The following PAPSS1 variants were observed in gnomAD, a reference collection of about 807,000 sequenced individuals.
PAPSS1 encodes the protein bifunctional 3'-phosphoadenosine 5'-phosphosulfate synthase 1.
A neutral mutation model predicts 72.0 loss-of-function variants in PAPSS1; 50 were observed. That is an observed-to-expected ratio of 0.69 (90% CI 0.55 to 0.88). The LOEUF (loss-of-function observed/expected upper bound fraction) is 0.88. PAPSS1 is among the 40% of genes least tolerant of loss of function. The pLI, the probability that PAPSS1 is intolerant of heterozygous loss-of-function variation, is 0.00. For missense variants in PAPSS1, 657 were observed against 782.2 expected (o/e 0.84, Z 1.91); for synonymous variants, 261 against 263.6 (o/e 0.99, Z 0.09).
intron 5 of PAPSS1, among the ~76,000 whole-genome samples, chr4:107,667,478 G>T (rs1243330937): frequency 6.6e-6 from 1 of 152,152 alleles, no homozygotes; most frequent in Non-Finnish European, 1.5e-5. Flanking sequence ...CCCCATTTGG[G>T]CTGGCGTCTA....
At chr4:107,701,806 CAG>C (rs1203351373) in intron 1 of PAPSS1, among the ~76,000 whole-genome samples, 1 of 152,040 alleles carries the variant, frequency 6.6e-6, no homozygotes, top group African/African-American at 2.4e-5. Flanking sequence ...AAAAAGGAAA[CAG>C]AGTGCCTCTT....
chr4:107,632,511 T>TAA (rs11455598), intron 10 of PAPSS1, among the ~76,000 whole-genome samples: 5 of 148,164 alleles, frequency 3.4e-5, no homozygotes, highest in African/African-American at 2.5e-5. Context: ...TAATACTAGT[T>TAA]AAAAAAAAAA....
chr4:107,716,105 T>C (rs1231717543), intron 1 of PAPSS1, among the ~76,000 whole-genome samples: 1 of 152,206 alleles, frequency 6.6e-6, no homozygotes, highest in African/African-American at 2.4e-5. Context: ...ATCTGCCCCT[T>C]ATCCCCAATT....
intron 11 of PAPSS1, among the ~76,000 whole-genome samples, chr4:107,628,426 T>C (rs1287342118): frequency 1.3e-5 from 2 of 152,142 alleles, no homozygotes; most frequent in Admixed American, 6.5e-5. Context: ...TATTACAAAA[T>C]GAGCCATAAA....
chr4:107,712,783 G>GT (rs1312704952), intron 1 of PAPSS1, among the ~76,000 whole-genome samples: 1 of 151,270 alleles, frequency 6.6e-6, no homozygotes, highest in Non-Finnish European at 1.5e-5. Flanking sequence ...TGAGGCAGGA[G>GT]AACAGCTTGA....
intron 3 of PAPSS1, among the ~76,000 whole-genome samples, chr4:107,693,480 T>C (rs1722994679): frequency 6.6e-6 from 1 of 152,204 alleles, no homozygotes; most frequent in South Asian, 2.1e-4. Context: ...TTTTATTAAG[T>C]TGAAAAGTTG....
At chr4:107,694,951 TAA>T (rs34374895) in intron 2 of PAPSS1, among the ~76,000 whole-genome samples, 25 of 150,364 alleles carry the variant, frequency 1.7e-4, no homozygotes, top group Admixed American at 2.6e-4. Context: ...CTAACTGGAA[TAA>T]AAAAAAAAAT....
intron 10 of PAPSS1, among the ~76,000 whole-genome samples, chr4:107,640,174 T>C (rs987829953): frequency 1.1e-4 from 17 of 152,190 alleles, no homozygotes; most frequent in Non-Finnish European, 1.0e-4. Context: ...ATGAGACAAA[T>C]AGAATTTCCT....
chr4:107,634,110 C>T (rs371747554), intron 10 of PAPSS1, among the ~76,000 whole-genome samples: 6 of 152,028 alleles, frequency 3.9e-5, no homozygotes, highest in Non-Finnish European at 5.9e-5. Context: ...TTCAGCCTCC[C>T]GGGCTCAGGC....
chr4:107,690,362 C>G (rs2110340851), intron 3 of PAPSS1, among the ~76,000 whole-genome samples: 1 of 152,294 alleles, frequency 6.6e-6, no homozygotes, highest in Middle Eastern at 3.4e-3. Context: ...GCATACTATA[C>G]TGTCTCCTCT....
At chr4:107,700,858 T>C (rs1463030157) in intron 2 of PAPSS1, among the ~76,000 whole-genome samples, 2 of 152,216 alleles carry the variant, frequency 1.3e-5, no homozygotes, top group South Asian at 2.1e-4. Flanking sequence ...CTAAGACGTA[T>C]GGTTTTCACT....
At chr4:107,719,187 G>GTTTTTTTTTTTT (rs9307313) in intron 1 of PAPSS1, among the ~76,000 whole-genome samples, 5 of 146,412 alleles carry the variant, frequency 3.4e-5, no homozygotes, top group Non-Finnish European at 3.0e-5. Flanking sequence ...GAAATTGCTT[G>GTTTTTTTTTTTT]TTTTTTTTTT....
In PAPSS1 at chr4:107,693,971, C is replaced by T. The variant is rs1342153070; in HGVS notation, c.211G>A (p.Ala71Thr). Reference sequence around the variant, plus strand: ...TGACAAACCAGGTACTCCTCCAAGGCCATGCTCACAGTAGTCTTTCCCGCT... The same window carrying T: ...TGACAAACCAGGTACTCCTCCAAGGTCATGCTCACAGTAGTCTTTCCCGCT... ...SGAGKTTVSM[A>T]LEEYLVCHGI... The change falls in exon 3 of 12, where the codon GCC becomes ACC. Residue 71 changes from alanine to threonine, a missense_variant. This residue lies in a region of PAPSS1 where 119 missense variants were observed against 171.1 expected (regional missense o/e 0.70). Coordinates refer to ENST00000265174, the MANE Select transcript of PAPSS1 (RefSeq NM_005443.5). The T allele has an allele frequency of 1.9e-6, 3 of 1,613,498 alleles. No homozygotes were observed. Among genetic ancestry groups the T allele is most frequent in the South Asian group, 1.1e-5 (1 of 91,078 alleles).
At chr4:107,693,114 T>G (rs1722978220) in intron 3 of PAPSS1, among the ~76,000 whole-genome samples, 1 of 152,082 alleles carries the variant, frequency 6.6e-6, no homozygotes, top group African/African-American at 2.4e-5. Context: ...TTAACAAACC[T>G]GCACATGTAG....
At chr4:107,629,343 A>T (rs1578384166) in intron 11 of PAPSS1, among the ~76,000 whole-genome samples, 1 of 152,378 alleles carries the variant, frequency 6.6e-6, no homozygotes, top group East Asian at 1.9e-4. Flanking sequence ...GATGATGCCC[A>T]TAGTGGCAGA....
At chr4:107,657,402 G>A (rs929862369) in intron 6 of PAPSS1, among the ~76,000 whole-genome samples, 1 of 152,070 alleles carries the variant, frequency 6.6e-6, no homozygotes, top group Non-Finnish European at 1.5e-5. Flanking sequence ...CTAATACTTT[G>A]ATAACCACTC....
intron 5 of PAPSS1, among the ~76,000 whole-genome samples, chr4:107,675,004 T>A (rs2110332144): frequency 6.6e-6 from 1 of 152,000 alleles, no homozygotes; most frequent in South Asian, 2.1e-4. Context: ...AGACACAACA[T>A]ACCAGAATCT....
At chr4:107,636,260 A>G (rs772275095) in intron 10 of PAPSS1, among the ~76,000 whole-genome samples, 2 of 152,214 alleles carry the variant, frequency 1.3e-5, no homozygotes, top group African/African-American at 4.8e-5. Context: ...TTAAATTCCT[A>G]AACAGCAGGG....
At chr4:107,651,774 G>A (rs1001854000) in intron 9 of PAPSS1, among the ~76,000 whole-genome samples, 11 of 152,142 alleles carry the variant, frequency 7.2e-5, no homozygotes, top group African/African-American at 2.7e-4. Flanking sequence ...AGATTTGGGA[G>A]GACACAGCCA....
Sources: gnomAD v4.1 joint callset for allele counts (sites outside exome capture counted in the v4.1 genomes callset) on GRCh38, gnomAD v4.1.1 for gene constraint, gnomAD v4.1.1 regional missense constraint, MANE v1.5 for transcripts, NCBI Gene and HGNC (gene_info 2026-07-23, HGNC 2026-07-21) for gene names.